The following CERKL variants were observed in gnomAD, a reference collection of about 807,000 sequenced individuals.
CERKL encodes the protein ceramide kinase-like protein.
A neutral mutation model predicts 63.4 loss-of-function variants in CERKL; 61 were observed. The observed-to-expected ratio is 0.96, with a 90% CI of 0.78 to 1.19. CERKL has a LOEUF of 1.19. Ranked by LOEUF, CERKL falls within the 50% of genes most tolerant of loss-of-function variation. The pLI is 0.00. For missense variants in CERKL, 675 were observed against 655.5 expected, an observed-to-expected ratio of 1.03 and a Z score of -0.33; for synonymous variants, 250 against 230.5, an observed-to-expected ratio of 1.08 and a Z score of -0.77.
At chr2:181,577,723 T>C (rs1684311585) in intron 2 of CERKL, among the ~76,000 whole-genome samples, 1 of 152,070 alleles carries the variant, frequency 6.6e-6, no homozygotes, top group Non-Finnish European at 1.5e-5. Context: ...ATGAAGGGTT[T>C]TAGGCAGTGA....
At chr2:181,607,190 G>A (rs566904199) in intron 1 of CERKL, among the ~76,000 whole-genome samples, 52 of 152,314 alleles carry the variant, frequency 3.4e-4, no homozygotes, top group African/African-American at 1.2e-3. Context: ...GAGAAGGAGA[G>A]TGATATACAT....
At chr2:181,586,938 A>G (rs994044215) in intron 2 of CERKL, among the ~76,000 whole-genome samples, 25 of 152,166 alleles carry the variant, frequency 1.6e-4, no homozygotes, top group African/African-American at 5.8e-4. Flanking sequence ...TTTACACAGA[A>G]AAGCAACCAA....
At chr2:181,569,500 A>G (rs1688808987) in intron 3 of CERKL, among the ~76,000 whole-genome samples, 1 of 152,180 alleles carries the variant, frequency 6.6e-6, no homozygotes, top group Non-Finnish European at 1.5e-5. Context: ...GTTAACAGCC[A>G]TGTTAGAAGC....
rs1368635093 is a variant in CERKL, at chr2:181,656,769, C to A, written c.238G>T (p.Gly80Cys). The stretch of plus-strand genomic sequence containing the variant: ...AAGACGCTTGGGGCCGGGCACTCAC[C>A]CGCCGGGCGCTCGGGCTGAATGGGC... ...WRPIQPERPA[G>C]DSKYDLLCKE... The change falls in exon 1 of 13, where the codon GGT (glycine) becomes TGT (cysteine). Residue 80 changes from glycine (G) to cysteine (C), a missense_variant and splice_region_variant. Gly to Cys is a radical substitution (Grantham distance 159). Transcript: ENST00000410087. The A allele has an allele frequency of 2.5e-6, 4 of 1,590,716 alleles. No homozygotes were observed. Among genetic ancestry groups the A allele is most frequent in the South Asian group, 1.1e-5 (1 of 88,990 alleles).
intron 3 of CERKL, among the ~76,000 whole-genome samples, chr2:181,569,833 T>C (rs1335163645): frequency 5.3e-5 from 8 of 152,146 alleles, no homozygotes; most frequent in African/African-American, 1.9e-4. Context: ...TTCATATTAC[T>C]ACAAGAGATA....
At chr2:181,562,469 G>T (rs573974390) in intron 4 of CERKL, among the ~76,000 whole-genome samples, 1 of 152,188 alleles carries the variant, frequency 6.6e-6, no homozygotes, top group South Asian at 2.1e-4. Flanking sequence ...TTACAGTTTG[G>T]TTTTTTTCAT....
intron 1 of CERKL, among the ~76,000 whole-genome samples, chr2:181,624,490 AC>A (rs1183355390): frequency 1.3e-5 from 2 of 152,194 alleles, no homozygotes; most frequent in African/African-American, 4.8e-5. Context: ...AGCTATGATC[AC>A]CAGTGCATTC....
At position 181,558,898 on chromosome 2, in the gene CERKL, A is replaced by G. The variant is rs78227655; in HGVS notation, c.678-190T>C. 6.0e-3 allele frequency among the ~76,000 whole-genome samples: 917 copies of G among 152,338 alleles called. 6 individuals carry two copies. Among genetic ancestry groups the G allele is most frequent in the Non-Finnish European group, 1.0e-2 (680 of 68,028 alleles). On this transcript the variant is annotated intron_variant, in intron 4 of 12. Transcript: ENST00000410087. This position sits in a 1 kb window ranked among gnomAD's most constrained non-coding sequence, Gnocchi z 4.2. Reference sequence around the variant, plus strand: ...AACACAACACAGGTAAGTTTACTTCACAAATATAATAACTAGATAATTCCC... The same window carrying G: ...AACACAACACAGGTAAGTTTACTTCGCAAATATAATAACTAGATAATTCCC...
rs148226735 is a variant in CERKL at position 181,537,889 on chromosome 2, C to T, written c.*295G>A. 7,089 of 550,324 alleles carry T rather than the reference C, an allele frequency of 0.013. 70 individuals are homozygous for T. Among genetic ancestry groups the T allele is most frequent in the Non-Finnish European group, 0.019 (5,494 of 288,910 alleles). The allele number at this position is 550,324 out of a possible 1,614,324, so 34.1% of individuals were successfully genotyped here. On this transcript the variant is annotated 3_prime_UTR_variant, in exon 13 of 13. Transcript: ENST00000410087. ...ACAGCAGGAGGTTAGAGCAATGGAGCATTACTGAGTTCCTCCCCCTGTCAG... is the reference window on the plus strand; with the variant it reads ...ACAGCAGGAGGTTAGAGCAATGGAGTATTACTGAGTTCCTCCCCCTGTCAG...
chr2:181,565,617 T>A (rs1431625603), intron 4 of CERKL: 2 of 924,386 alleles, frequency 2.2e-6, no homozygotes, highest in African/African-American at 1.6e-5. Context: ...TTATAAAATA[T>A]CTTCCCTCAA....
chr2:181,582,751 C>T (rs563679031), intron 2 of CERKL, among the ~76,000 whole-genome samples: 1 of 152,084 alleles, frequency 6.6e-6, no homozygotes, highest in Admixed American at 6.5e-5. Flanking sequence ...CACATGTTGG[C>T]CAGGCTCGTC....
intron 1 of CERKL, among the ~76,000 whole-genome samples, chr2:181,609,654 C>T (rs1400977936): frequency 2.0e-5 from 3 of 151,580 alleles, no homozygotes; most frequent in African/African-American, 7.3e-5. Flanking sequence ...TGCAGTGAGC[C>T]AAGTTCATGC....
intron 2 of CERKL, among the ~76,000 whole-genome samples, chr2:181,578,124 C>G (rs1684331390): frequency 6.6e-6 from 1 of 152,070 alleles, no homozygotes; most frequent in Admixed American, 6.6e-5. Context: ...TTCCTTCTTG[C>G]ACAACAATCA....
intron 1 of CERKL, among the ~76,000 whole-genome samples, chr2:181,620,016 C>G (rs1184671375): frequency 6.6e-6 from 1 of 152,178 alleles, no homozygotes; most frequent in African/African-American, 2.4e-5. Context: ...ACATTCGAGG[C>G]ACTTCTTTGT....
chr2:181,544,240 CAT>C (rs1478167577), intron 11 of CERKL, among the ~76,000 whole-genome samples: 2 of 152,096 alleles, frequency 1.3e-5, no homozygotes, highest in Non-Finnish European at 2.9e-5. Flanking sequence ...ATAAAACTGT[CAT>C]ATTTTTAAAT....
At chr2:181,605,863 A>C (rs915548319) in intron 1 of CERKL, among the ~76,000 whole-genome samples, 3 of 152,138 alleles carry the variant, frequency 2.0e-5, no homozygotes, top group Admixed American at 6.5e-5. Flanking sequence ...TGAAGTATGA[A>C]CAATGTTATC....
chr2:181,561,102 C>T (rs188333621), intron 4 of CERKL, among the ~76,000 whole-genome samples: 68 of 152,122 alleles, frequency 4.5e-4, no homozygotes, highest in African/African-American at 1.4e-3. Flanking sequence ...GGAGTTTAGG[C>T]GCAAATGGCC....
At position 181,546,196 on chromosome 2, in the gene CERKL, C is replaced by T. The variant is rs13405809; in HGVS notation, c.1269-1400G>A. Among the ~76,000 whole-genome samples the T allele has an allele frequency of 6.6e-5, 10 of 152,176 alleles. No homozygotes were observed. In the South Asian group the frequency reaches 1.5e-3, roughly 22 times the overall value. On this transcript the variant is annotated intron_variant, in intron 10 of 12. Transcript: ENST00000410087. ...GAAAAATTCATTAATACTGATTAAG[C>T]CTGCAGAGTCAACAGTGGAATTCTA... is the stretch of plus-strand genomic sequence containing the variant.
At chr2:181,642,577 T>C (rs1046667864) in intron 1 of CERKL, among the ~76,000 whole-genome samples, 1 of 152,182 alleles carries the variant, frequency 6.6e-6, no homozygotes, top group Non-Finnish European at 1.5e-5. Context: ...AGCTCAGCCT[T>C]CTCAGATTTT....
Sources: allele counts gnomAD v4.1 joint callset (sites outside exome capture counted in the v4.1 genomes callset), GRCh38; gene constraint gnomAD v4.1.1; non-coding constraint Gnocchi (gnomAD v3.1); transcripts MANE v1.5; gene names NCBI Gene and HGNC (gene_info 2026-07-23, HGNC 2026-07-21).